The following TTC23 variants were observed in gnomAD, a reference collection of about 807,000 sequenced individuals.
TTC23 encodes tetratricopeptide repeat domain 23.
Under a neutral mutation model 55.1 loss-of-function variants are expected in TTC23, and 58 were observed. That is an observed-to-expected ratio of 1.05 (90% CI 0.85 to 1.31). The LOEUF (loss-of-function observed/expected upper bound fraction) is 1.31, where lower values mean the gene tolerates loss of function less well. TTC23 is among the 50% of genes most tolerant of loss of function. The pLI is 0.00. For synonymous variants in TTC23, 203 were observed against 199.9 expected, an observed-to-expected ratio of 1.02 and a Z score of -0.13; for missense variants, 516 against 534.4, an observed-to-expected ratio of 0.97 and a Z score of 0.34.
intron 5 of TTC23, among the ~76,000 whole-genome samples, chr15:99,227,574 T>C (rs1356074887): frequency 1.3e-5 from 2 of 152,208 alleles, no homozygotes; most frequent in African/African-American, 4.8e-5. Flanking sequence ...TATAACCTCA[T>C]GGTAATCCTC....
chr15:99,236,713 G>A (rs2079348669), intron 3 of TTC23, among the ~76,000 whole-genome samples: 1 of 151,974 alleles, frequency 6.6e-6, no homozygotes, highest in Non-Finnish European at 1.5e-5. Flanking sequence ...AATTGTTTTT[G>A]TTGTTCTAGT....
rs1395474207 is a variant in TTC23 at position 99,228,646 on chromosome 15, T to C, written c.67A>G (p.Thr23Ala). The change falls in exon 5 of 14, where the codon ACT becomes GCT. Residue 23 changes from threonine (T) to alanine (A), a missense_variant. By Grantham distance (58) the Thr-to-Ala change is moderately conservative. Coordinates refer to ENST00000394132, the MANE Select transcript of TTC23 (RefSeq NM_001288615.3). ...TTGTTTTGGAACTTCTTTCTATGAG[T>C]GATGCTAACAGCAGCAACAACTTCA... ...LDEVVAAVSI[T>A]HRKKFQNKLL... is the part of the protein sequence containing the mutation. The C allele has an allele frequency of 6.2e-7, 1 of 1,613,714 alleles. No individual in the cohort carries two copies. Among genetic ancestry groups the C allele is most frequent in the Non-Finnish European group, 8.5e-7 (1 of 1,179,740 alleles).
chr15:99,165,145 T>C (rs1459318294), intron 10 of TTC23, among the ~76,000 whole-genome samples: 1 of 152,166 alleles, frequency 6.6e-6, no homozygotes, highest in Admixed American at 6.5e-5. Flanking sequence ...TGGGTCCCCA[T>C]ACTAGGCTGA....
chr15:99,220,430 A>G (rs977431003), intron 6 of TTC23, among the ~76,000 whole-genome samples: 1 of 152,222 alleles, frequency 6.6e-6, no homozygotes. Flanking sequence ...ATGGCAGGAC[A>G]AACTGGCATT....
intron 9 of TTC23, among the ~76,000 whole-genome samples, chr15:99,175,723 G>A (rs1259701503): frequency 4.6e-5 from 7 of 152,234 alleles, no homozygotes; most frequent in African/African-American, 1.4e-4. Context: ...GCCCAGGCGC[G>A]GTGGCTCATG....
At chr15:99,212,488 A>G (rs1006158902) in intron 8 of TTC23, among the ~76,000 whole-genome samples, 1 of 152,226 alleles carries the variant, frequency 6.6e-6, no homozygotes, top group African/African-American at 2.4e-5. Flanking sequence ...CACTCTCCAA[A>G]GTTAACAAAC....
chr15:99,185,378 C>T (rs1166216812), intron 9 of TTC23, among the ~76,000 whole-genome samples: 2 of 152,182 alleles, frequency 1.3e-5, no homozygotes, highest in Non-Finnish European at 2.9e-5. Flanking sequence ...GCCATCACCC[C>T]AGGCCTGACC....
At chr15:99,237,131 GCCACCATGC>G (rs1371634655) in intron 3 of TTC23, among the ~76,000 whole-genome samples, 1 of 151,942 alleles carries the variant, frequency 6.6e-6, no homozygotes, top group Admixed American at 6.6e-5. Flanking sequence ...ACAGGCGCCC[GCCACCATGC>G]CCAGCTAACT....
chr15:99,190,139 C>T (rs182508052), intron 9 of TTC23, among the ~76,000 whole-genome samples: 7 of 151,498 alleles, frequency 4.6e-5, no homozygotes, highest in African/African-American at 9.7e-5. Context: ...GTGTTTGCGC[C>T]GCTACACTCC....
rs115010049 is a variant in TTC23, at chr15:99,139,635, T to G, written c.1144-236A>C. On this transcript the variant is annotated intron_variant, in intron 12 of 13. Transcript: ENST00000394132. The stretch of plus-strand genomic sequence containing the variant: ...ACAAAACTCTCTGTGACTATCTGTA[T>G]GCAAAAAATAGATTTAAAAGTAGTA... 749 of 1,494,836 alleles carry G rather than the reference T, an allele frequency of 5.0e-4. 5 individuals carry two copies. In the African/African-American group the frequency reaches 9.6e-3, roughly 19 times the overall value. 92.6% of individuals were successfully genotyped at this position (1,494,836 alleles called of 1,614,324 possible).
chr15:99,141,890 C>A (rs2068268912), intron 12 of TTC23, among the ~76,000 whole-genome samples: 1 of 151,998 alleles, frequency 6.6e-6, no homozygotes, highest in Non-Finnish European at 1.5e-5. Context: ...TATACAATAT[C>A]AAGAAGTAGT....
intron 5 of TTC23, 96 bp downstream of exon 5, chr15:99,228,437 G>T (rs3759903): frequency 0.092 from 104,819 of 1,133,922 alleles, 6,689 homozygotes; most frequent in East Asian, 0.33. Context: ...TCAAACTGCT[G>T]AGATTAGGAA....
intron 8 of TTC23, among the ~76,000 whole-genome samples, chr15:99,206,036 G>C (rs1379762091): frequency 6.6e-6 from 1 of 152,110 alleles, no homozygotes; most frequent in Non-Finnish European, 1.5e-5. Flanking sequence ...TATCATGAAG[G>C]GATGTTGAAT....
At chr15:99,189,934 T>C (rs2075083042) in intron 9 of TTC23, among the ~76,000 whole-genome samples, 1 of 152,126 alleles carries the variant, frequency 6.6e-6, no homozygotes. Flanking sequence ...CCCAGCACTT[T>C]GGGAGGCTGA....
At chr15:99,190,562 T>C (rs2075161646) in intron 9 of TTC23, among the ~76,000 whole-genome samples, 1 of 152,226 alleles carries the variant, frequency 6.6e-6, no homozygotes, top group African/African-American at 2.4e-5. Flanking sequence ...TGGCTGTATA[T>C]ATATGTGTGT....
At position 99,167,485 on chromosome 15, in the gene TTC23, T is replaced by C. The variant is rs1380005291; in HGVS notation, c.866-5618A>G. Among the ~76,000 whole-genome samples, 4 of 152,276 alleles carry C rather than the reference T, an allele frequency of 2.6e-5. No homozygotes were observed. The East Asian group carries it at 7.7e-4, about 29-fold the overall frequency. The stretch of plus-strand genomic sequence containing the variant: ...TTTTCACTCTAACAGAATGTTTAGG[T>C]TGTCTGTGAGTTAGAGCAGGGAGAA... On this transcript the variant is annotated intron_variant, in intron 10 of 13. Coordinates refer to ENST00000394132, the MANE Select transcript of TTC23 (RefSeq NM_001288615.3).
intron 4 of TTC23, among the ~76,000 whole-genome samples, chr15:99,230,922 G>T (rs761755130): frequency 6.6e-6 from 1 of 152,214 alleles, no homozygotes; most frequent in African/African-American, 2.4e-5. Flanking sequence ...GAAATGGTAC[G>T]TACATGGGCA....
At position 99,190,162 on chromosome 15, in the gene TTC23, A is replaced by G. The variant is rs904121046; in HGVS notation, c.759+9757T>C. Among the ~76,000 whole-genome samples the G allele has an allele frequency of 4.0e-5, 6 of 149,152 alleles. No homozygotes were observed. In the East Asian group the frequency reaches 5.9e-4, roughly 15 times the overall value. ...GCCGCTACACTCCAGCCTGGGTGAC[A>G]AAGCAAGACCTGTCTAAAAAAAGAA... On this transcript the variant is annotated intron_variant, in intron 9 of 13. Coordinates refer to ENST00000394132, the MANE Select transcript of TTC23 (RefSeq NM_001288615.3).
In TTC23 at chr15:99,143,426, T is replaced by A. The variant is rs180951669; in HGVS notation, c.1144-4027A>T. 5.9e-5 allele frequency among the ~76,000 whole-genome samples: 9 copies of A among 152,308 alleles called. No individual in the cohort carries two copies. In the East Asian group the frequency reaches 1.7e-3, roughly 29 times the overall value. On this transcript the variant is annotated intron_variant, in intron 12 of 13. Coordinates refer to ENST00000394132, the MANE Select transcript of TTC23 (RefSeq NM_001288615.3). ...CTGCTGGAGCCAGGCATTGTAAACA[T>A]GTCGCTGAGCTAAGTAAAGAACTCG...
Sources: gnomAD v4.1 joint callset for allele counts (sites outside exome capture counted in the v4.1 genomes callset) on GRCh38, gnomAD v4.1.1 for gene constraint, MANE v1.5 for transcripts, NCBI Gene and HGNC (gene_info 2026-07-23, HGNC 2026-07-21) for gene names.